Variants in LTBP1 observed in about 807,000 individuals in gnomAD.
LTBP1 encodes the protein latent-transforming growth factor beta-binding protein 1.
In LTBP1, 129 loss-of-function variants were observed where a neutral mutation model predicts 207.6. The observed-to-expected ratio is 0.62, with a 90% CI of 0.54 to 0.72. LTBP1 has a LOEUF of 0.72. LTBP1 is among the 30% of genes least tolerant of loss of function. The pLI is 0.00. For synonymous variants in LTBP1, 963 were observed against 833.7 expected, an observed-to-expected ratio of 1.16 and a Z score of -2.67; for missense variants, 2,281 against 2,217.2, an observed-to-expected ratio of 1.03 and a Z score of -0.58.
At chr2:33,324,288 A>G (rs1459784347) in intron 24 of LTBP1, among the ~76,000 whole-genome samples, 1 of 151,982 alleles carries the variant, frequency 6.6e-6, no homozygotes, top group Non-Finnish European at 1.5e-5. Context: ...AATTGTTATA[A>G]TTGTTATAAT....
At chr2:32,981,972 G>C (rs532894927) in intron 2 of LTBP1, among the ~76,000 whole-genome samples, 13 of 152,322 alleles carry the variant, frequency 8.5e-5, no homozygotes, top group Middle Eastern at 3.4e-3. Flanking sequence ...ATCGGTACCA[G>C]TAGAGTGGGG....
chr2:33,127,806 G>T (rs1160176848), intron 4 of LTBP1, among the ~76,000 whole-genome samples: 3 of 152,294 alleles, frequency 2.0e-5, no homozygotes, highest in South Asian at 4.1e-4. Context: ...AGTCAAAAGG[G>T]TGGAATGTGG....
At chr2:32,979,813 A>G (rs897554182) in intron 2 of LTBP1, among the ~76,000 whole-genome samples, 6 of 152,090 alleles carry the variant, frequency 3.9e-5, no homozygotes, top group Non-Finnish European at 7.4e-5. Context: ...GTTAGGGTCT[A>G]TCTCTCTGTT....
intron 31 of LTBP1, among the ~76,000 whole-genome samples, chr2:33,384,857 G>A (rs1405113840): frequency 2.0e-5 from 3 of 152,084 alleles, no homozygotes; most frequent in Non-Finnish European, 4.4e-5. Flanking sequence ...AATGGGTTCT[G>A]CTTGTGGCTT....
At chr2:33,022,265 C>CTTTTTTTTTTTTT (rs3047211) in intron 3 of LTBP1, among the ~76,000 whole-genome samples, 13 of 125,216 alleles carry the variant, frequency 1.0e-4, no homozygotes, top group Admixed American at 2.6e-4. Context: ...CCTCAATCCT[C>CTTTTTTTTTTTTT]TTTTTTTTTT....
intron 3 of LTBP1, among the ~76,000 whole-genome samples, chr2:33,068,066 C>T (rs769007205): frequency 4.0e-5 from 6 of 148,190 alleles, no homozygotes; most frequent in Non-Finnish European, 7.4e-5. Context: ...TTTTTCCATA[C>T]ACAAATAGGT....
chr2:33,044,476 G>A (rs1218136559), intron 3 of LTBP1, among the ~76,000 whole-genome samples: 2 of 152,122 alleles, frequency 1.3e-5, no homozygotes, highest in Non-Finnish European at 2.9e-5. Context: ...AGCATTCCAT[G>A]GTGTATATGT....
intron 3 of LTBP1, among the ~76,000 whole-genome samples, chr2:33,086,600 G>T (rs964131123): frequency 6.6e-6 from 1 of 152,128 alleles, no homozygotes; most frequent in African/African-American, 2.4e-5. Flanking sequence ...TTTCTTTATT[G>T]CAACTAGTGA....
chr2:33,299,240 CAAA>C (rs1300938977), intron 20 of LTBP1, among the ~76,000 whole-genome samples: 7 of 78,862 alleles, frequency 8.9e-5, no homozygotes, highest in Admixed American at 2.8e-4. Flanking sequence ...GACTCTGTCT[CAAA>C]AAAAAAAAAA....
At chr2:33,216,810 C>T (rs1456567573) in intron 7 of LTBP1, among the ~76,000 whole-genome samples, 2 of 152,154 alleles carry the variant, frequency 1.3e-5, no homozygotes, top group African/African-American at 2.4e-5. Context: ...ACTTCAGGCC[C>T]CTGCCTCTCA....
chr2:33,340,898 A>G (rs893870306), intron 24 of LTBP1, among the ~76,000 whole-genome samples: 21 of 152,202 alleles, frequency 1.4e-4, no homozygotes, highest in African/African-American at 4.8e-4. Context: ...AAAGACAATG[A>G]GTATAGACAA....
chr2:32,960,556 C>G (rs963383798), intron 2 of LTBP1, among the ~76,000 whole-genome samples: 3 of 152,164 alleles, frequency 2.0e-5, no homozygotes, highest in East Asian at 1.9e-4. Flanking sequence ...ATATCATCAT[C>G]TGATAGAGAT....
rs747427123 is a variant in LTBP1 at position 33,398,570 on chromosome 2, C to A, written c.*25C>A. The A allele has an allele frequency of 1.2e-6, 2 of 1,605,790 alleles. No homozygotes were observed. Among genetic ancestry groups the A allele is most frequent in the South Asian group, 2.2e-5 (2 of 89,856 alleles). On this transcript the variant is annotated 3_prime_UTR_variant, in exon 34 of 34. Transcript: ENST00000404816. ...AAACAGAATCTACATAACCTAAGCCCATATACTCTGCACTGTGTAAAGGAA... is the reference window on the plus strand; with the variant it reads ...AAACAGAATCTACATAACCTAAGCCAATATACTCTGCACTGTGTAAAGGAA...
At chr2:33,190,167 G>A (rs1291982663) in intron 7 of LTBP1, among the ~76,000 whole-genome samples, 1 of 152,140 alleles carries the variant, frequency 6.6e-6, no homozygotes, top group Non-Finnish European at 1.5e-5. Context: ...TGTGCATAGC[G>A]AAGACAACCT....
At chr2:33,178,797 T>C (rs1022451505) in intron 5 of LTBP1, among the ~76,000 whole-genome samples, 6 of 152,260 alleles carry the variant, frequency 3.9e-5, no homozygotes, top group Admixed American at 2.0e-4. Context: ...ATAATAGTCT[T>C]GGTAGATCCT....
Position 33,293,248 on chromosome 2 carries a change from C to G in LTBP1, c.3201C>G (p.Gly1067=). 2 of 1,614,022 alleles carry G rather than the reference C, an allele frequency of 1.2e-6. No individual in the cohort carries two copies. The highest frequency in any genetic ancestry group is 1.7e-6 in the Non-Finnish European group (2 of 1,179,974). ...CCTACATGTGTTCATGCCACAAAGG[C>G]TATACCCGGACTCCGGACCACAAGC... ...EGSYMCSCHK[G]YTRTPDHKHC... is the part of the protein sequence containing the mutation. Residue 1067 remains glycine, a synonymous_variant, in exon 20 of 34, where the codon GGC becomes GGG. Coordinates refer to ENST00000404816, the MANE Select transcript of LTBP1 (RefSeq NM_206943.4).
At chr2:33,386,322 G>A (rs2095265023) in intron 31 of LTBP1, among the ~76,000 whole-genome samples, 1 of 152,162 alleles carries the variant, frequency 6.6e-6, no homozygotes, top group Non-Finnish European at 1.5e-5. Flanking sequence ...TGGCGTTGCT[G>A]TAGAGTGACA....
intron 5 of LTBP1, among the ~76,000 whole-genome samples, chr2:33,154,791 G>A (rs1048405929): frequency 7.2e-5 from 11 of 152,112 alleles, no homozygotes; most frequent in African/African-American, 9.7e-5. Context: ...GGCCGGGCGC[G>A]GTGGTTCACA....
At chr2:32,975,265 C>A (rs1304482763) in intron 2 of LTBP1, among the ~76,000 whole-genome samples, 1 of 152,120 alleles carries the variant, frequency 6.6e-6, no homozygotes, top group Non-Finnish European at 1.5e-5. Context: ...TGGTGGAGTT[C>A]CCTTTGTAGG....
Sources: gnomAD v4.1 joint callset for allele counts (sites outside exome capture counted in the v4.1 genomes callset) on GRCh38, gnomAD v4.1.1 for gene constraint, MANE v1.5 for transcripts, NCBI Gene and HGNC (gene_info 2026-07-23, HGNC 2026-07-21) for gene names.